Variants in COL19A1 observed in about 807,000 individuals in gnomAD.
COL19A1 encodes collagen type XIX alpha 1 chain, also known as collagen alpha-1(XIX) chain.
In COL19A1, 159 loss-of-function variants were observed where a neutral mutation model predicts 190.2. The observed-to-expected ratio is 0.84, with a 90% CI of 0.73 to 0.95. The LOEUF is 0.95. COL19A1 is among the 40% of genes least tolerant of loss of function. The pLI is 0.00. For synonymous variants in COL19A1, 509 were observed against 458.9 expected (o/e 1.11, Z -1.39); for missense variants, 1,418 against 1,431.9 (o/e 0.99, Z 0.16).
intron 15 of COL19A1, among the ~76,000 whole-genome samples, chr6:70,069,028 T>C (rs1445113338): frequency 6.6e-6 from 1 of 152,164 alleles, no homozygotes; most frequent in African/African-American, 2.4e-5. Flanking sequence ...TGCAGTGTTA[T>C]GACAACTGGT....
At chr6:70,163,904 C>T (rs919949832) in intron 36 of COL19A1, among the ~76,000 whole-genome samples, 3 of 152,160 alleles carry the variant, frequency 2.0e-5, no homozygotes, top group Non-Finnish European at 4.4e-5. Flanking sequence ...ATAGATGTCA[C>T]CTACTAGCTG....
In COL19A1 at chr6:70,078,066, T is replaced by G. The variant is rs539309489; in HGVS notation, c.1224+9590T>G. On this transcript the variant is annotated intron_variant, in intron 15 of 50. Coordinates refer to ENST00000620364, the MANE Select transcript of COL19A1 (RefSeq NM_001858.6). The stretch of plus-strand genomic sequence containing the variant: ...TTTATAGTTTATTTGTCTTCGAAAG[T>G]ATTTGAGGGTCTTATAAATGCAATC... 3.9e-5 allele frequency among the ~76,000 whole-genome samples: 6 copies of G among 152,220 alleles called. No individual in the cohort carries two copies. In the East Asian group the frequency reaches 1.2e-3, roughly 29 times the overall value.
At chr6:70,170,917 CTTGT>C (rs1324224765) in intron 40 of COL19A1, among the ~76,000 whole-genome samples, 1 of 152,108 alleles carries the variant, frequency 6.6e-6, no homozygotes, top group Non-Finnish European at 1.5e-5. Flanking sequence ...TTTGAAAGCT[CTTGT>C]TTCTTTGTGA....
At chr6:69,958,903 A>C (rs73482141) in intron 9 of COL19A1, among the ~76,000 whole-genome samples, 2,549 of 152,320 alleles carry the variant, frequency 0.017, 76 homozygotes, top group African/African-American at 0.055. Flanking sequence ...TGCTTAAATA[A>C]TTCAAATAAA....
chr6:70,167,106 T>C (rs1765208478), intron 37 of COL19A1, among the ~76,000 whole-genome samples: 1 of 152,238 alleles, frequency 6.6e-6, no homozygotes, highest in African/African-American at 2.4e-5. Context: ...ATTCAGTCGC[T>C]GTCAGATAAA....
In COL19A1 at chr6:70,212,032, G is replaced by C. The variant is rs963409799; in HGVS notation, c.*4758G>C. Among the ~76,000 whole-genome samples the C allele has an allele frequency of 2.6e-5, 4 of 152,192 alleles. No homozygotes were observed. The highest frequency in any genetic ancestry group is 7.2e-5 in the African/African-American group (3 of 41,456). ...AATAAAGTGGGAGGCTTCACTAAAT[G>C]AGGGGGTAAATAAGATTTAAGTTTA... On this transcript the variant is annotated 3_prime_UTR_variant, in exon 51 of 51. Transcript: ENST00000620364.
At chr6:70,105,851 C>T (rs1783925121) in intron 16 of COL19A1, among the ~76,000 whole-genome samples, 1 of 152,102 alleles carries the variant, frequency 6.6e-6, no homozygotes, top group Non-Finnish European at 1.5e-5. Flanking sequence ...TCTTGTCAAA[C>T]AGTAATTAAA....
At chr6:70,083,615 G>A (rs1443529387) in intron 15 of COL19A1, among the ~76,000 whole-genome samples, 4 of 152,120 alleles carry the variant, frequency 2.6e-5, no homozygotes. Context: ...ACCAGCAGAA[G>A]GAATTCATTT....
chr6:70,029,505 G>A (rs903919253), intron 12 of COL19A1, among the ~76,000 whole-genome samples: 2 of 152,110 alleles, frequency 1.3e-5, no homozygotes, highest in African/African-American at 2.4e-5. Flanking sequence ...TTAATTCAGA[G>A]TCTATTCCAT....
chr6:70,207,364 CTTTTTTT>C lies in COL19A1; in HGVS notation c.*107_*113del, dbSNP rs36112821. ...TCAAACCCTCATCATCTGTGGGTTGCTTTTTTTTTTTTTTTTTTTTTTTGGGAGTAAG... is the reference window on the plus strand; with the variant it reads ...TCAAACCCTCATCATCTGTGGGTTGCTTTTTTTTTTTTTTTTGGGAGTAAG... On this transcript the variant is annotated 3_prime_UTR_variant, in exon 51 of 51. Coordinates refer to ENST00000620364, the MANE Select transcript of COL19A1 (RefSeq NM_001858.6). The C allele has an allele frequency of 2.6e-4, 46 of 178,042 alleles. No individual in the cohort carries two copies. The highest frequency in any genetic ancestry group is 8.9e-4 in the East Asian group (6 of 6,732). The allele number at this position is 178,042 out of a possible 1,614,324, so 11.0% of individuals were successfully genotyped here.
chr6:70,122,035 A>T (rs1784914408), intron 17 of COL19A1, 93 bp downstream of exon 17: 1 of 732,656 alleles, frequency 1.4e-6, no homozygotes, highest in South Asian at 2.0e-5. Context: ...AACTTCTCAG[A>T]CTTTTATACA....
At chr6:70,173,999 T>C (rs189750416) in intron 41 of COL19A1, among the ~76,000 whole-genome samples, 3 of 152,128 alleles carry the variant, frequency 2.0e-5, no homozygotes, top group East Asian at 3.9e-4. Flanking sequence ...TCAGAGAGGA[T>C]AGTTTATCTA....
intron 9 of COL19A1, among the ~76,000 whole-genome samples, chr6:69,943,624 A>G (rs1773610735): frequency 6.6e-6 from 1 of 152,084 alleles, no homozygotes; most frequent in Admixed American, 6.6e-5. Context: ...TTTTGAATAT[A>G]GTTTTTCCAA....
intron 17 of COL19A1, among the ~76,000 whole-genome samples, chr6:70,123,991 A>C (rs988059189): frequency 1.3e-5 from 2 of 152,084 alleles, no homozygotes; most frequent in Non-Finnish European, 2.9e-5. Flanking sequence ...AACTAAAAAA[A>C]AAAGTGGTTT....
intron 12 of COL19A1, among the ~76,000 whole-genome samples, chr6:70,026,124 T>C (rs576645635): frequency 2.1e-4 from 32 of 152,332 alleles, no homozygotes; most frequent in Admixed American, 8.5e-4. Context: ...TTTTGAAATA[T>C]TTGAATAAAA....
At chr6:70,037,365 A>G (rs1005607426) in intron 14 of COL19A1, among the ~76,000 whole-genome samples, 1 of 152,150 alleles carries the variant, frequency 6.6e-6, no homozygotes, top group Admixed American at 6.5e-5. Context: ...CATATTGATC[A>G]GGCTGGTCTG....
At chr6:69,888,711 T>C (rs1369533189) in intron 2 of COL19A1, among the ~76,000 whole-genome samples, 2 of 151,582 alleles carry the variant, frequency 1.3e-5, no homozygotes, top group South Asian at 4.2e-4. Context: ...GGGAATTGCT[T>C]GAGTTGCAGT....
At chr6:70,042,757 A>AAT (rs1779694202) in intron 14 of COL19A1, among the ~76,000 whole-genome samples, 1 of 152,308 alleles carries the variant, frequency 6.6e-6, no homozygotes, top group Admixed American at 6.5e-5. Context: ...TTATCAACTA[A>AAT]ATATATATAA....
At chr6:69,945,997 TAGAC>T (rs1316299340) in intron 9 of COL19A1, among the ~76,000 whole-genome samples, 1 of 151,880 alleles carries the variant, frequency 6.6e-6, no homozygotes, top group Non-Finnish European at 1.5e-5. Flanking sequence ...GCTTGGCAGT[TAGAC>T]AGAAGAGCAA....
Sources: gnomAD v4.1 joint callset for allele counts (sites outside exome capture counted in the v4.1 genomes callset) on GRCh38, gnomAD v4.1.1 for gene constraint, MANE v1.5 for transcripts, NCBI Gene and HGNC (gene_info 2026-07-23, HGNC 2026-07-21) for gene names.